TNFRSF10C: variants seen among roughly 807,000 people sequenced by gnomAD.
The protein encoded by TNFRSF10C is tumor necrosis factor receptor superfamily member 10C.
TNFRSF10C carries 17 observed loss-of-function variants against 16.7 expected under a neutral mutation model. That is an observed-to-expected ratio of 1.02 (90% CI 0.70 to 1.53). TNFRSF10C has a LOEUF of 1.53. Ranked by LOEUF, TNFRSF10C falls within the 40% of genes most tolerant of loss-of-function variation. The pLI, the probability that TNFRSF10C is intolerant of heterozygous loss-of-function variation, is 0.00. For missense variants in TNFRSF10C, 237 were observed against 329.7 expected, an observed-to-expected ratio of 0.72 and a Z score of 2.18; for synonymous variants, 73 against 119.7, an observed-to-expected ratio of 0.61 and a Z score of 2.55.
At chr8:23,105,245 G>A (rs1212355015) in intron 1 of TNFRSF10C, among the ~76,000 whole-genome samples, 3 of 152,186 alleles carry the variant, frequency 2.0e-5, no homozygotes, top group Non-Finnish European at 4.4e-5. Flanking sequence ...GTGAAGAGGA[G>A]GTAAAAATCT....
At chr8:23,105,011 G>C (rs1228244375) in intron 1 of TNFRSF10C, among the ~76,000 whole-genome samples, 1 of 150,584 alleles carries the variant, frequency 6.6e-6, no homozygotes, top group Non-Finnish European at 1.5e-5. Context: ...CCTGACCCCA[G>C]GTCCTGGCTC....
At chr8:23,104,922 C>T (rs534542696) in intron 1 of TNFRSF10C, among the ~76,000 whole-genome samples, 2 of 152,166 alleles carry the variant, frequency 1.3e-5, no homozygotes, top group Non-Finnish European at 2.9e-5. Flanking sequence ...TGCCACCCAC[C>T]ATGCCTGTGA....
chr8:23,113,954 C>CAA (rs781288895), intron 2 of TNFRSF10C, among the ~76,000 whole-genome samples: 72 of 82,568 alleles, frequency 8.7e-4, no homozygotes, highest in African/African-American at 3.1e-3. Flanking sequence ...GACTCTGTCT[C>CAA]AAAAAAAAAA....
intron 1 of TNFRSF10C, 188 bp downstream of exon 1, chr8:23,103,369 C>G: frequency 1.9e-6 from 2 of 1,029,076 alleles, no homozygotes; most frequent in Non-Finnish European, 2.9e-6. Flanking sequence ...GGGACCCGGC[C>G]GCGAGGGAGC....
Position 23,114,756 on chromosome 8 carries a change from CA to C in TNFRSF10C, c.267del (p.Val90PhefsTer14). The part of the protein sequence containing the change: ...SNNEPSCFPC[T>X]VCKSDQKHKS... ...AATGAACCTTCTTGCTTCCCATGTA[CA>C]GTTTGTAAATCAGGTACAGAATGTG... On this transcript the variant is annotated frameshift_variant, in exon 3 of 5. Transcript: ENST00000356864. LOFTEE classifies it high-confidence loss of function. The C allele has an allele frequency of 6.2e-7, 1 of 1,613,828 alleles. No homozygotes were observed. The highest frequency in any genetic ancestry group is 8.5e-7 in the Non-Finnish European group (1 of 1,179,766).
At chr8:23,109,457 G>A (rs569479790) in intron 1 of TNFRSF10C, among the ~76,000 whole-genome samples, 75 of 152,072 alleles carry the variant, frequency 4.9e-4, no homozygotes, top group African/African-American at 1.6e-3. Flanking sequence ...CTAACACGGT[G>A]AAACCCTGTC....
At position 23,114,695 on chromosome 8, in the gene TNFRSF10C, T is replaced by G; in HGVS notation, c.205T>G (p.Cys69Gly). Residue 69 changes from cysteine (C) to glycine (G), a missense_variant, in exon 3 of 5, where the codon TGC (cysteine) becomes GGC (glycine). By Grantham distance (159) the Cys-to-Gly change is radical. This residue lies in a region of TNFRSF10C where 212 missense variants were observed against 196.8 expected (regional missense o/e 1.08). Transcript: ENST00000356864. Reference protein sequence around the residue: ...RSEHTGACNPCTEGVDYTNAS... With the variant: ...RSEHTGACNPGTEGVDYTNAS... ...AGAACATACTGGAGCCTGTAACCCG[T>G]GCACAGAGGGTGTGGATTACACCAA... The G allele has an allele frequency of 6.2e-7, 1 of 1,614,112 alleles. No individual in the cohort carries two copies. Among genetic ancestry groups the G allele is most frequent in the South Asian group, 1.1e-5 (1 of 91,086 alleles).
At chr8:23,104,940 TAAG>T (rs777773223) in intron 1 of TNFRSF10C, among the ~76,000 whole-genome samples, 1 of 152,110 alleles carries the variant, frequency 6.6e-6, no homozygotes, top group Non-Finnish European at 1.5e-5. Flanking sequence ...TGAATGGAGA[TAAG>T]GTCTCCATCC....
chr8:23,106,814 G>A (rs1323055403), intron 1 of TNFRSF10C, among the ~76,000 whole-genome samples: 2 of 151,892 alleles, frequency 1.3e-5, no homozygotes, highest in African/African-American at 2.4e-5. Context: ...GTGAAACCCC[G>A]TCTCTACTGA....
Position 23,117,304 on chromosome 8 carries a change from A to C in TNFRSF10C, c.*273A>C, listed in dbSNP as rs560324206. ...TGGGGGTCCACACATCTCCCAGCCAAGTCCAAGAGGGCAGGGCCAGTTCCT... is the reference window on the plus strand; with the variant it reads ...TGGGGGTCCACACATCTCCCAGCCACGTCCAAGAGGGCAGGGCCAGTTCCT... On this transcript the variant is annotated 3_prime_UTR_variant, in exon 5 of 5. Transcript: ENST00000356864. 9.1e-6 allele frequency: 5 copies of C among 550,086 alleles called. No homozygotes were observed. Among genetic ancestry groups the C allele is most frequent in the Admixed American group, 6.7e-5 (2 of 29,708 alleles). The allele number at this position is 550,086 out of a possible 1,614,324, so 34.1% of individuals were successfully genotyped here.
In TNFRSF10C at chr8:23,114,732, A is replaced by G. The variant is rs114291970; in HGVS notation, c.242A>G (p.Asn81Ser). The change falls in exon 3 of 5, where the codon AAT (asparagine) becomes AGT (serine). Residue 81 changes from asparagine (N) to serine (S), a missense_variant. Physicochemically the swap from Asn to Ser is conservative, Grantham distance 46. This residue lies in a region of TNFRSF10C where 212 missense variants were observed against 196.8 expected (regional missense o/e 1.08). Transcript: ENST00000356864. Reference protein sequence around the residue: ...EGVDYTNASNNEPSCFPCTVC... With the variant: ...EGVDYTNASNSEPSCFPCTVC... ...GTGGATTACACCAACGCTTCCAACAATGAACCTTCTTGCTTCCCATGTACA... is the reference window on the plus strand; with the variant it reads ...GTGGATTACACCAACGCTTCCAACAGTGAACCTTCTTGCTTCCCATGTACA... 918 of 1,613,120 alleles carry G rather than the reference A, an allele frequency of 5.7e-4. No individual in the cohort carries two copies. In the African/African-American group the frequency reaches 9.7e-3, roughly 17 times the overall value.
At chr8:23,107,171 G>A (rs1354199678) in intron 1 of TNFRSF10C, among the ~76,000 whole-genome samples, 1 of 151,982 alleles carries the variant, frequency 6.6e-6, no homozygotes, top group South Asian at 2.1e-4. Flanking sequence ...AGCAAAACCC[G>A]GTCACAACAA....
At position 23,114,820 on chromosome 8, in the gene TNFRSF10C, G is replaced by A. The variant is rs1240228969; in HGVS notation, c.280+50G>A. 2.6e-6 allele frequency: 4 copies of A among 1,531,358 alleles called. No individual in the cohort carries two copies. In the East Asian group the frequency reaches 6.7e-5, roughly 26 times the overall value. The allele number at this position is 1,531,358 out of a possible 1,614,324, so 94.9% of individuals were successfully genotyped here. A position where few individuals can be genotyped will look rare whatever the true frequency, so the allele number is the denominator to read the frequency against. On this transcript the variant is annotated intron_variant, in intron 3 of 4. Transcript: ENST00000356864. The stretch of plus-strand genomic sequence containing the variant: ...CCAGAGGTGGAGCGTGGGGCAATGA[G>A]GTGGGAGTTGTAGCCGATATGAGTC...
intron 3 of TNFRSF10C, among the ~76,000 whole-genome samples, chr8:23,115,067 C>G (rs565998080): frequency 2.8e-4 from 42 of 152,270 alleles, no homozygotes; most frequent in African/African-American, 9.4e-4. Context: ...CGGGTCTGCT[C>G]CAGGGCCAGG....
At position 23,116,864 on chromosome 8, in the gene TNFRSF10C, C is replaced by G. The variant is rs1027655890; in HGVS notation, c.613C>G (p.Pro205Ala). Reference sequence around the variant, plus strand: ...GACAATGACCACCAGCCCGGGGACTCCTGCCCCAGCTGCTGAAGAGACAAT... The same window carrying G: ...GACAATGACCACCAGCCCGGGGACTGCTGCCCCAGCTGCTGAAGAGACAAT... ...EETMTTSPGT[P>A]APAAEETMTT... Residue 205 changes from proline to alanine, a missense_variant, in exon 5 of 5, where the codon CCT (proline) becomes GCT (alanine). By Grantham distance (27) the Pro-to-Ala change is conservative. This residue lies in a region of TNFRSF10C where 25 missense variants were observed against 133.0 expected (regional missense o/e 0.19). Coordinates refer to ENST00000356864, the MANE Select transcript of TNFRSF10C (RefSeq NM_003841.5). 1 of 1,608,118 alleles carries G rather than the reference C, an allele frequency of 6.2e-7. No homozygotes were observed. Among genetic ancestry groups the G allele is most frequent in the Admixed American group, 1.7e-5 (1 of 59,412 alleles).
chr8:23,107,302 A>C (rs1460223497), intron 1 of TNFRSF10C, among the ~76,000 whole-genome samples: 1 of 152,234 alleles, frequency 6.6e-6, no homozygotes, highest in Non-Finnish European at 1.5e-5. Context: ...CGACCAATCT[A>C]TTCTGACAAA....
intron 1 of TNFRSF10C, among the ~76,000 whole-genome samples, chr8:23,111,157 A>G (rs997542511): frequency 6.6e-6 from 1 of 152,182 alleles, no homozygotes; most frequent in Non-Finnish European, 1.5e-5. Context: ...TATCTGGGGT[A>G]AATTTATGTT....
intron 2 of TNFRSF10C, among the ~76,000 whole-genome samples, chr8:23,112,937 A>G (rs1225041183): frequency 1.4e-5 from 2 of 140,024 alleles, no homozygotes; most frequent in African/African-American, 5.5e-5. Context: ...TCCCACCAAC[A>G]GTGTACCAGC....
chr8:23,109,141 A>G (rs899119158), intron 1 of TNFRSF10C, among the ~76,000 whole-genome samples: 1 of 152,176 alleles, frequency 6.6e-6, no homozygotes, highest in Non-Finnish European at 1.5e-5. Context: ...GGTTAGGGAG[A>G]TGGGGAGTTA....
Sources: gnomAD v4.1 joint callset for allele counts (sites outside exome capture counted in the v4.1 genomes callset) on GRCh38, gnomAD v4.1.1 for gene constraint, gnomAD v4.1.1 regional missense constraint, MANE v1.5 for transcripts, NCBI Gene and HGNC (gene_info 2026-07-23, HGNC 2026-07-21) for gene names.